The following CSMD2 variants were observed in gnomAD, a reference collection of about 807,000 sequenced individuals.
CSMD2 encodes CUB and Sushi multiple domains 2.
A neutral mutation model predicts 398.5 loss-of-function variants in CSMD2; 130 were observed. The ratio of observed to expected loss-of-function variants is 0.33; its 90% CI spans 0.28 to 0.38. The LOEUF is 0.38. CSMD2 is among the 10% of genes least tolerant of loss of function. The pLI is 1.00. For missense variants in CSMD2, 3,829 were observed against 4,764.9 expected (o/e 0.80, Z 5.78); for synonymous variants, 1,828 against 1,908.5 (o/e 0.96, Z 1.10).
chr1:33,892,259 G>A (rs1473894731), intron 5 of CSMD2, among the ~76,000 whole-genome samples: 1 of 151,004 alleles, frequency 6.6e-6, no homozygotes, highest in Non-Finnish European at 1.5e-5. Flanking sequence ...TCATATGGGG[G>A]GATATTTTAA....
intron 12 of CSMD2, among the ~76,000 whole-genome samples, chr1:33,777,010 G>A (rs1168940011): frequency 2.6e-5 from 4 of 152,226 alleles, no homozygotes; most frequent in South Asian, 4.2e-4. Context: ...AAGTAGGGAG[G>A]AGGAGATCAG....
chr1:33,792,080 C>T (rs553618781), intron 11 of CSMD2, among the ~76,000 whole-genome samples: 3 of 152,256 alleles, frequency 2.0e-5, no homozygotes, highest in East Asian at 3.9e-4. Flanking sequence ...CTGGATGTGG[C>T]CTGGAGTAAA....
chr1:33,744,555 G>A (rs1040698787), intron 13 of CSMD2, among the ~76,000 whole-genome samples: 7 of 151,906 alleles, frequency 4.6e-5, no homozygotes, highest in African/African-American at 1.4e-4. Flanking sequence ...CCTGGAATAA[G>A]AATAGGCAAA....
At chr1:33,950,960 G>T (rs1644990479) in intron 3 of CSMD2, among the ~76,000 whole-genome samples, 1 of 152,316 alleles carries the variant, frequency 6.6e-6, no homozygotes, top group South Asian at 2.1e-4. Flanking sequence ...GTTAATTCCA[G>T]CTCCTAACTG....
At chr1:34,053,746 G>A (rs1029854327) in intron 2 of CSMD2, among the ~76,000 whole-genome samples, 5 of 152,178 alleles carry the variant, frequency 3.3e-5, no homozygotes, top group African/African-American at 1.2e-4. Context: ...TTTGAAAAGA[G>A]TTACTGGGTG....
At position 33,983,958 on chromosome 1, in the gene CSMD2, G is replaced by T. The variant is rs550558033; in HGVS notation, c.518-48004C>A. 2.0e-5 allele frequency among the ~76,000 whole-genome samples: 3 copies of T among 152,236 alleles called. No individual in the cohort carries two copies. The East Asian group carries it at 5.8e-4, about 30-fold the overall frequency. ...ACCTAAGGTCAGGAGTTAAAGACCA[G>T]CCTGACCAACATGGTGAAACCCTGT... On this transcript the variant is annotated intron_variant, in intron 3 of 70. Coordinates refer to ENST00000373381, the MANE Select transcript of CSMD2 (RefSeq NM_001281956.2).
At chr1:33,680,762 CCT>C (rs1398710458) in intron 25 of CSMD2, among the ~76,000 whole-genome samples, 1 of 152,080 alleles carries the variant, frequency 6.6e-6, no homozygotes, top group African/African-American at 2.4e-5. Context: ...CACCCAGGAC[CCT>C]GTTCCCCACT....
chr1:34,010,066 A>G (rs1647196245), intron 3 of CSMD2, among the ~76,000 whole-genome samples: 1 of 152,212 alleles, frequency 6.6e-6, no homozygotes, highest in Non-Finnish European at 1.5e-5. Flanking sequence ...TCTACAGGAC[A>G]ATGTTCAGAT....
chr1:33,645,344 TACACACAC>T (rs4044501), intron 29 of CSMD2, among the ~76,000 whole-genome samples: 4,571 of 136,310 alleles, frequency 0.034, 116 homozygotes, highest in East Asian at 0.096. Context: ...TGGAGCATTA[TACACACAC>T]ACACACACAC....
intron 1 of CSMD2, among the ~76,000 whole-genome samples, chr1:34,152,259 G>A (rs1571280562): frequency 6.6e-6 from 1 of 152,148 alleles, no homozygotes; most frequent in East Asian, 1.9e-4. Flanking sequence ...ACTTTTGACT[G>A]TTCACTCAGC....
At chr1:33,564,460 G>T (rs1658866198) in intron 53 of CSMD2, among the ~76,000 whole-genome samples, 1 of 152,124 alleles carries the variant, frequency 6.6e-6, no homozygotes, top group Non-Finnish European at 1.5e-5. Context: ...AAATCTCTTT[G>T]TATACATCGT....
chr1:33,828,313 T>G (rs1659053834), intron 6 of CSMD2, among the ~76,000 whole-genome samples: 1 of 152,182 alleles, frequency 6.6e-6, no homozygotes, highest in Admixed American at 6.5e-5. Flanking sequence ...TGATTCACTA[T>G]CCCTGGGAGA....
At chr1:34,023,902 G>A (rs16836217) in intron 3 of CSMD2, among the ~76,000 whole-genome samples, 16,857 of 152,218 alleles carry the variant, frequency 0.11, 1,475 homozygotes, top group East Asian at 0.38. Context: ...TTTTCTCCAC[G>A]TGGTAGACGA....
intron 27 of CSMD2, among the ~76,000 whole-genome samples, chr1:33,655,902 G>A (rs1643931594): frequency 6.6e-6 from 1 of 152,188 alleles, no homozygotes; most frequent in South Asian, 2.1e-4. Flanking sequence ...CACATTTATT[G>A]CTCTCCTCAG....
In CSMD2 at chr1:33,559,062, C is replaced by T. The variant is rs183744127; in HGVS notation, c.8554+238G>A. On this transcript the variant is annotated intron_variant, in intron 54 of 70. Coordinates refer to ENST00000373381, the MANE Select transcript of CSMD2 (RefSeq NM_001281956.2). This position sits in a 1 kb window ranked among gnomAD's most constrained non-coding sequence, Gnocchi z 4.0. Reference sequence around the variant, plus strand: ...TTTGTTCAATGAAAGGTAAAAAAGACGACTTGAAAGATAAAACTTAAGTTT... The same window carrying T: ...TTTGTTCAATGAAAGGTAAAAAAGATGACTTGAAAGATAAAACTTAAGTTT... 7.2e-5 allele frequency among the ~76,000 whole-genome samples: 11 copies of T among 152,274 alleles called. No homozygotes were observed. The highest frequency in any genetic ancestry group is 3.3e-4 in the Admixed American group (5 of 15,296).
chr1:33,741,797 C>T (rs1647077185), intron 14 of CSMD2, among the ~76,000 whole-genome samples: 1 of 152,204 alleles, frequency 6.6e-6, no homozygotes, highest in African/African-American at 2.4e-5. Flanking sequence ...GCCTCCTCCT[C>T]CCAAGTTCCC....
chr1:33,722,639 CTT>C (rs1227533515), intron 19 of CSMD2, among the ~76,000 whole-genome samples: 1 of 151,056 alleles, frequency 6.6e-6, no homozygotes, highest in Non-Finnish European at 1.5e-5. Context: ...TTAAAGAACT[CTT>C]TGTGTGTCTG....
chr1:33,695,732 G>A (rs1163352607), intron 24 of CSMD2, among the ~76,000 whole-genome samples: 1 of 152,176 alleles, frequency 6.6e-6, no homozygotes, highest in Admixed American at 6.5e-5. Flanking sequence ...CCCAAATGAA[G>A]TCTAAACTTT....
chr1:33,989,482 A>G lies in CSMD2; in HGVS notation c.517+43112T>C, dbSNP rs146494633. On this transcript the variant is annotated intron_variant, in intron 3 of 70. Transcript: ENST00000373381. The stretch of plus-strand genomic sequence containing the variant: ...TAATTTCATTCCTAAGAATTTACCC[A>G]GAGGAAATGAAACATATAATCACAC... Among the ~76,000 whole-genome samples the G allele has an allele frequency of 8.3e-3, 1,269 of 152,344 alleles. 19 individuals are homozygous for G. The highest frequency in any genetic ancestry group is 0.029 in the African/African-American group (1,201 of 41,578).
Sources: gnomAD v4.1 joint callset for allele counts (sites outside exome capture counted in the v4.1 genomes callset) on GRCh38, gnomAD v4.1.1 for gene constraint, Gnocchi (gnomAD v3.1) non-coding constraint, MANE v1.5 for transcripts, NCBI Gene and HGNC (gene_info 2026-07-23, HGNC 2026-07-21) for gene names.